The following STAC variants were observed in gnomAD, a reference collection of about 807,000 sequenced individuals.
The protein encoded by STAC is SH3 and cysteine rich domain.
A neutral mutation model predicts 48.8 loss-of-function variants in STAC; 43 were observed. The ratio of observed to expected loss-of-function variants is 0.88; its 90% CI spans 0.69 to 1.14. STAC has a LOEUF of 1.14. Among genes scored for constraint, STAC ranks in the 50% most tolerant of loss-of-function variants. STAC has a pLI of 0.00. For missense variants in STAC, 497 were observed against 504.0 expected (o/e 0.99, Z 0.13); for synonymous variants, 193 against 179.5 (o/e 1.07, Z -0.60).
intron 2 of STAC, among the ~76,000 whole-genome samples, chr3:36,480,571 A>G (rs1411956947): frequency 6.6e-6 from 1 of 152,188 alleles, no homozygotes; most frequent in African/African-American, 2.4e-5. Flanking sequence ...ATGTAGGTTA[A>G]ACAACCCAAA....
chr3:36,529,232 T>C lies in STAC; in HGVS notation c.1110+247T>C, dbSNP rs532247787. ...GATAGTGGCAGGCGACGACATCTCG[T>C]CCCCCATGCTCTTCTCAGAAGACCA... is the stretch of plus-strand genomic sequence containing the variant. On this transcript the variant is annotated intron_variant, in intron 10 of 10. Transcript: ENST00000273183. 4.9e-4 allele frequency: 127 copies of C among 257,262 alleles called. 2 individuals are homozygous for C. In the South Asian group the frequency reaches 0.011, roughly 23 times the overall value. 15.9% of individuals were successfully genotyped at this position (257,262 alleles called of 1,614,324 possible).
chr3:36,432,723 G>A (rs564364390), intron 1 of STAC, among the ~76,000 whole-genome samples: 108 of 151,294 alleles, frequency 7.1e-4, no homozygotes, highest in African/African-American at 2.3e-3. Flanking sequence ...AAAAACTGTC[G>A]CTTTATTAAG....
chr3:36,421,608 C>G (rs1700452062), intron 1 of STAC, among the ~76,000 whole-genome samples: 9 of 152,106 alleles, frequency 5.9e-5, no homozygotes, highest in Admixed American at 4.6e-4. Context: ...GAAGCTCTCT[C>G]TTATCTTGTT....
intron 2 of STAC, among the ~76,000 whole-genome samples, chr3:36,448,198 ACTTT>A (rs1212839978): frequency 6.8e-6 from 1 of 146,996 alleles, no homozygotes; most frequent in Non-Finnish European, 1.5e-5. Flanking sequence ...ACTTTATTTT[ACTTT>A]ATTTTATTTT....
chr3:36,514,237 A>G (rs1300783550), intron 8 of STAC, among the ~76,000 whole-genome samples: 1 of 47,406 alleles, frequency 2.1e-5, no homozygotes, highest in East Asian at 1.1e-3. Context: ...TTTTTTTTTC[A>G]CAAAAGGACC....
intron 1 of STAC, among the ~76,000 whole-genome samples, chr3:36,423,662 T>C (rs1185509072): frequency 1.3e-5 from 2 of 152,074 alleles, no homozygotes; most frequent in African/African-American, 4.8e-5. Flanking sequence ...GAAGACTTAC[T>C]TTTCGATAAG....
At chr3:36,406,490 C>T (rs1405684810) in intron 1 of STAC, among the ~76,000 whole-genome samples, 1 of 152,182 alleles carries the variant, frequency 6.6e-6, no homozygotes, top group Non-Finnish European at 1.5e-5. Context: ...CCATTCACTG[C>T]GAACCTGCAG....
At chr3:36,504,800 T>C (rs1011903475) in intron 7 of STAC, among the ~76,000 whole-genome samples, 16 of 152,036 alleles carry the variant, frequency 1.1e-4, no homozygotes, top group African/African-American at 3.6e-4. Flanking sequence ...TAATATTATA[T>C]AATGTACCTG....
At chr3:36,461,043 C>G (rs1697002915) in intron 2 of STAC, among the ~76,000 whole-genome samples, 1 of 152,122 alleles carries the variant, frequency 6.6e-6, no homozygotes, top group Non-Finnish European at 1.5e-5. Context: ...ATTCCACAAT[C>G]CAGATAGACA....
At chr3:36,546,087 T>G in intron 10 of STAC, 104 bp from the exon 11 acceptor site, 1 of 879,154 alleles carries the variant, frequency 1.1e-6, no homozygotes, top group Non-Finnish European at 1.8e-6. Context: ...CTTTTCCAGT[T>G]TGTTGCTCCT....
intron 2 of STAC, among the ~76,000 whole-genome samples, chr3:36,480,471 T>C (rs1328231025): frequency 2.0e-5 from 3 of 152,182 alleles, no homozygotes; most frequent in African/African-American, 2.4e-5. Context: ...TCTTTTCTCA[T>C]TCAGAGGTTT....
chr3:36,522,593 T>A (rs977205347), intron 8 of STAC, among the ~76,000 whole-genome samples: 3 of 152,200 alleles, frequency 2.0e-5, no homozygotes, highest in African/African-American at 4.8e-5. Context: ...TTTCCTAGGA[T>A]AAATGAGCAG....
At chr3:36,423,475 G>C (rs567979630) in intron 1 of STAC, among the ~76,000 whole-genome samples, 40 of 151,032 alleles carry the variant, frequency 2.6e-4, no homozygotes, top group African/African-American at 9.2e-4. Flanking sequence ...AAGATCCCCA[G>C]TATATATTAT....
At chr3:36,413,257 C>G (rs1196534189) in intron 1 of STAC, among the ~76,000 whole-genome samples, 1 of 151,828 alleles carries the variant, frequency 6.6e-6, no homozygotes, top group African/African-American at 2.4e-5. Flanking sequence ...ATTGATCTGT[C>G]TAATGTTGAC....
chr3:36,495,618 T>A (rs111935926), intron 6 of STAC, among the ~76,000 whole-genome samples: 2 of 152,274 alleles, frequency 1.3e-5, no homozygotes, highest in African/African-American at 4.8e-5. Context: ...CCTGGCTCTG[T>A]CTATGCTGTT....
At chr3:36,517,780 C>T (rs1427263336) in intron 8 of STAC, among the ~76,000 whole-genome samples, 1 of 152,084 alleles carries the variant, frequency 6.6e-6, no homozygotes, top group African/African-American at 2.4e-5. Context: ...CCATATGTCA[C>T]ATCATCCTTC....
At chr3:36,539,667 T>C (rs1351696691) in intron 10 of STAC, among the ~76,000 whole-genome samples, 1 of 152,172 alleles carries the variant, frequency 6.6e-6, no homozygotes, top group Non-Finnish European at 1.5e-5. Flanking sequence ...CTATACAGCA[T>C]GTTTTCTTTG....
chr3:36,482,068 A>G (rs1216374012), intron 2 of STAC, among the ~76,000 whole-genome samples: 1 of 152,168 alleles, frequency 6.6e-6, no homozygotes, highest in Non-Finnish European at 1.5e-5. Context: ...AGTGGCAAAA[A>G]TACATTTTGG....
chr3:36,387,334 A>G (rs973516002), intron 1 of STAC, among the ~76,000 whole-genome samples: 1 of 151,982 alleles, frequency 6.6e-6, no homozygotes, highest in African/African-American at 2.4e-5. Flanking sequence ...TGCGTAATGT[A>G]AAGTTTACCA....
Sources: allele counts gnomAD v4.1 joint callset (sites outside exome capture counted in the v4.1 genomes callset), GRCh38; gene constraint gnomAD v4.1.1; transcripts MANE v1.5; gene names NCBI Gene and HGNC (gene_info 2026-07-23, HGNC 2026-07-21).